The following ITPRIPL2 variants were observed in gnomAD, a reference collection of about 807,000 sequenced individuals.
ITPRIPL2 encodes inositol 1,4,5-trisphosphate receptor-interacting protein-like 2.
ITPRIPL2 carries 29 observed loss-of-function variants against 31.7 expected under a neutral mutation model. The observed-to-expected ratio is 0.91, with a 90% CI of 0.68 to 1.25. The LOEUF (loss-of-function observed/expected upper bound fraction) is 1.25. Among genes scored for constraint, ITPRIPL2 ranks in the 50% most tolerant of loss-of-function variants. The pLI is 0.00. For missense variants in ITPRIPL2, 696 were observed against 739.1 expected, an observed-to-expected ratio of 0.94 and a Z score of 0.68; for synonymous variants, 344 against 343.4, an observed-to-expected ratio of 1.00 and a Z score of -0.02.
At position 19,115,701 on chromosome 16, in the gene ITPRIPL2, G is replaced by A; in HGVS notation, c.1240G>A (p.Val414Met). The change falls in exon 1 of 1, where the codon GTG (valine) becomes ATG (methionine). Residue 414 changes from valine (V) to methionine (M), a missense_variant. Coordinates refer to ENST00000381440, the MANE Select transcript of ITPRIPL2 (RefSeq NM_001034841.4). Reference protein sequence around the residue: ...SYVLKTVLLAVLLRKGAPGQG... With the variant: ...SYVLKTVLLAMLLRKGAPGQG... ...TGTGCTCAAGACAGTGCTGCTGGCA[G>A]TGCTGCTGCGCAAGGGGGCCCCTGG... The A allele has an allele frequency of 6.2e-7, 1 of 1,612,948 alleles. No individual in the cohort carries two copies. Among genetic ancestry groups the A allele is most frequent in the Non-Finnish European group, 8.5e-7 (1 of 1,179,958 alleles).
rs763928448 is a variant in ITPRIPL2, at chr16:19,115,067, C to G, written c.606C>G (p.Ala202=). 2 of 1,598,720 alleles carry G rather than the reference C, an allele frequency of 1.3e-6. No individual in the cohort carries two copies. Among genetic ancestry groups the G allele is most frequent in the Non-Finnish European group, 1.7e-6 (2 of 1,179,312 alleles). ...SLGEEPALAP[A]FRGCFLCALK... ...GCGAGGAGCCAGCGCTGGCCCCGGCCTTCCGCGGCTGCTTCTTGTGCGCCC... is the reference window on the plus strand; with the variant it reads ...GCGAGGAGCCAGCGCTGGCCCCGGCGTTCCGCGGCTGCTTCTTGTGCGCCC... The change falls in exon 1 of 1, where the codon GCC becomes GCG. Residue 202 remains alanine (A), a synonymous_variant. Coordinates refer to ENST00000381440, the MANE Select transcript of ITPRIPL2 (RefSeq NM_001034841.4).
At position 19,120,313 on chromosome 16, in the gene ITPRIPL2, C is replaced by G. The variant is rs1963498413; in HGVS notation, c.*4244C>G. On this transcript the variant is annotated 3_prime_UTR_variant, in exon 1 of 1. Coordinates refer to ENST00000381440, the MANE Select transcript of ITPRIPL2 (RefSeq NM_001034841.4). ...CCCAGGCTGGTCTTGAACTACTGGA[C>G]TCAAGCCATCCTCCCACCTCGGCCT... 6.4e-6 allele frequency: 1 copy of G among 156,732 alleles called. No individual in the cohort carries two copies. Among genetic ancestry groups the G allele is most frequent in the Non-Finnish European group, 1.5e-5 (1 of 68,186 alleles). 9.7% of individuals were successfully genotyped at this position (156,732 alleles called of 1,614,324 possible).
Position 19,114,370 on chromosome 16 carries a change from G to C in ITPRIPL2, c.-92G>C. On this transcript the variant is annotated 5_prime_UTR_variant, in exon 1 of 1. Coordinates refer to ENST00000381440, the MANE Select transcript of ITPRIPL2 (RefSeq NM_001034841.4). ...GCGGAGGAGGAGACGGGGACAGCGGGGCTGCCCGGGCGCTGTGCGCATGCT... is the reference window on the plus strand; with the variant it reads ...GCGGAGGAGGAGACGGGGACAGCGGCGCTGCCCGGGCGCTGTGCGCATGCT... The C allele has an allele frequency of 4.9e-6, 5 of 1,027,326 alleles. No individual in the cohort carries two copies. Among genetic ancestry groups the C allele is most frequent in the Non-Finnish European group, 6.3e-6 (5 of 794,756 alleles). 63.6% of individuals were successfully genotyped at this position (1,027,326 alleles called of 1,614,324 possible).
At position 19,115,951 on chromosome 16, in the gene ITPRIPL2, T is replaced by C. The variant is rs1203911943; in HGVS notation, c.1490T>C (p.Leu497Pro). 2 of 1,612,790 alleles carry C rather than the reference T, an allele frequency of 1.2e-6. No homozygotes were observed. Among genetic ancestry groups the C allele is most frequent in the Non-Finnish European group, 1.7e-6 (2 of 1,179,852 alleles). ...HARELAAARL[L>P]STWQRLPQLL... ...CGGGAACTTGCAGCAGCGCGGTTGC[T>C]GTCCACGTGGCAAAGGCTGCCCCAG... The change falls in exon 1 of 1, where the codon CTG becomes CCG. Residue 497 changes from leucine (L) to proline (P), a missense_variant. By Grantham distance (98) the Leu-to-Pro change is moderately conservative. Coordinates refer to ENST00000381440, the MANE Select transcript of ITPRIPL2 (RefSeq NM_001034841.4).
chr16:19,114,367 C>A lies in ITPRIPL2; in HGVS notation c.-95C>A, dbSNP rs981487731. ...GCCGCGGAGGAGGAGACGGGGACAG[C>A]GGGGCTGCCCGGGCGCTGTGCGCAT... On this transcript the variant is annotated 5_prime_UTR_variant, in exon 1 of 1. Coordinates refer to ENST00000381440, the MANE Select transcript of ITPRIPL2 (RefSeq NM_001034841.4). The A allele has an allele frequency of 1.7e-4, 168 of 1,000,616 alleles. 1 individual carries two copies. The highest frequency in any genetic ancestry group is 2.0e-4 in the Non-Finnish European group (157 of 771,948). The allele number at this position is 1,000,616 out of a possible 1,614,324, so 62.0% of individuals were successfully genotyped here.
Position 19,119,392 on chromosome 16 carries a change from T to G in ITPRIPL2, c.*3323T>G, listed in dbSNP as rs1596856272. ...AGCCTGTAGAAACAGGGGTGGGAGG[T>G]GGGGGGGAAGCTGTGCCCACCTTTA... is the stretch of plus-strand genomic sequence containing the variant. On this transcript the variant is annotated 3_prime_UTR_variant, in exon 1 of 1. Transcript: ENST00000381440. 9 of 207,766 alleles carry G rather than the reference T, an allele frequency of 4.3e-5. No homozygotes were observed. Among genetic ancestry groups the G allele is most frequent in the East Asian group, 1.1e-4 (1 of 8,838 alleles). The allele number at this position is 207,766 out of a possible 1,614,324, so 12.9% of individuals were successfully genotyped here. A position where few individuals can be genotyped will look rare whatever the true frequency, so the allele number is the denominator to read the frequency against.
chr16:19,118,054 C>CA lies in ITPRIPL2; in HGVS notation c.*1985_*1986insA, dbSNP rs1963465933. The CA allele has an allele frequency of 1.3e-5, 2 of 159,206 alleles. No individual in the cohort carries two copies. Among genetic ancestry groups the CA allele is most frequent in the African/African-American group, 5.6e-5 (2 of 35,700 alleles). 9.9% of individuals were successfully genotyped at this position (159,206 alleles called of 1,614,324 possible). On this transcript the variant is annotated 3_prime_UTR_variant, in exon 1 of 1. Coordinates refer to ENST00000381440, the MANE Select transcript of ITPRIPL2 (RefSeq NM_001034841.4). The stretch of plus-strand genomic sequence containing the variant: ...TTTAAAATAAATGCCAAGAGTAGAT[C>CA]TTATATATATATATATGTATACATA...
Position 19,119,607 on chromosome 16 carries a change from A to G in ITPRIPL2, c.*3538A>G, listed in dbSNP as rs1963488463. 1 of 167,124 alleles carries G rather than the reference A, an allele frequency of 6.0e-6. No homozygotes were observed. Among genetic ancestry groups the G allele is most frequent in the African/African-American group, 2.4e-5 (1 of 41,458 alleles). The allele number at this position is 167,124 out of a possible 1,614,324, so 10.4% of individuals were successfully genotyped here. On this transcript the variant is annotated 3_prime_UTR_variant, in exon 1 of 1. Coordinates refer to ENST00000381440, the MANE Select transcript of ITPRIPL2 (RefSeq NM_001034841.4). Reference sequence around the variant, plus strand: ...TTTGCGACCACTGCCTTACGTAGTTAACACCCTGAGTATGTATACAGTCAT... The same window carrying G: ...TTTGCGACCACTGCCTTACGTAGTTGACACCCTGAGTATGTATACAGTCAT...
In ITPRIPL2 at chr16:19,115,871, G is replaced by A. The variant is rs750334526; in HGVS notation, c.1410G>A (p.Lys470=). ...CTGCCGAGGTGGGTCCCCTGCCCAAGGCACTGAGGGAAGCCGCCCCAGTTG... is the reference window on the plus strand; with the variant it reads ...CTGCCGAGGTGGGTCCCCTGCCCAAAGCACTGAGGGAAGCCGCCCCAGTTG... ...GAAAEVGPLP[K]ALREAAPVDL... is the part of the protein sequence containing the mutation. Residue 470 remains lysine, a synonymous_variant, in exon 1 of 1, where the codon AAG becomes AAA. Transcript: ENST00000381440. 6.2e-7 allele frequency: 1 copy of A among 1,611,828 alleles called. No homozygotes were observed. Among genetic ancestry groups the A allele is most frequent in the Non-Finnish European group, 8.5e-7 (1 of 1,179,580 alleles).
chr16:19,115,196 C>T lies in ITPRIPL2; in HGVS notation c.735C>T (p.His245=), dbSNP rs1034964799. ...AFCVDVRGRR[H]LSATLVLRWF... ...GCGTGGATGTGCGCGGGCGGCGTCA[C>T]CTCTCTGCTACTCTGGTGCTGCGCT... The change falls in exon 1 of 1, where the codon CAC becomes CAT. Residue 245 remains histidine, a synonymous_variant. Coordinates refer to ENST00000381440, the MANE Select transcript of ITPRIPL2 (RefSeq NM_001034841.4). 1.2e-6 allele frequency: 2 copies of T among 1,608,248 alleles called. No individual in the cohort carries two copies. Among genetic ancestry groups the T allele is most frequent in the East Asian group, 2.2e-5 (1 of 44,884 alleles).
At position 19,115,198 on chromosome 16, in the gene ITPRIPL2, T is replaced by C. The variant is rs1287406473; in HGVS notation, c.737T>C (p.Leu246Pro). 1.9e-6 allele frequency: 3 copies of C among 1,608,204 alleles called. No individual in the cohort carries two copies. Among genetic ancestry groups the C allele is most frequent in the South Asian group, 1.1e-5 (1 of 91,092 alleles). Residue 246 changes from leucine to proline, a missense_variant, in exon 1 of 1, where the codon CTC (leucine) becomes CCC (proline). By Grantham distance (98) the Leu-to-Pro change is moderately conservative. Coordinates refer to ENST00000381440, the MANE Select transcript of ITPRIPL2 (RefSeq NM_001034841.4). ...FCVDVRGRRH[L>P]SATLVLRWFQ... ...GTGGATGTGCGCGGGCGGCGTCACCTCTCTGCTACTCTGGTGCTGCGCTGG... is the reference window on the plus strand; with the variant it reads ...GTGGATGTGCGCGGGCGGCGTCACCCCTCTGCTACTCTGGTGCTGCGCTGG...
chr16:19,119,023 G>T lies in ITPRIPL2; in HGVS notation c.*2954G>T. The T allele has an allele frequency of 2.4e-6, 1 of 413,520 alleles. No individual in the cohort carries two copies. Among genetic ancestry groups the T allele is most frequent in the East Asian group, 3.6e-5 (1 of 28,082 alleles). 25.6% of individuals were successfully genotyped at this position (413,520 alleles called of 1,614,324 possible). A position where few individuals can be genotyped will look rare whatever the true frequency, so the allele number is the denominator to read the frequency against. On this transcript the variant is annotated 3_prime_UTR_variant, in exon 1 of 1. Transcript: ENST00000381440. The stretch of plus-strand genomic sequence containing the variant: ...TAACAACAGCAAAAAGAAAAAATTA[G>T]TTGTCCAGCCAGTGCTGGAGGAAAA...
chr16:19,114,655 G>T lies in ITPRIPL2; in HGVS notation c.194G>T (p.Arg65Leu). The change falls in exon 1 of 1, where the codon CGC (arginine) becomes CTC (leucine). Residue 65 changes from arginine to leucine, a missense_variant. Arg to Leu is a moderately radical substitution (Grantham distance 102). Transcript: ENST00000381440. ...CTCCTCCTCAGCTATGTCCTCCTGC[G>T]CTGTCGCCACGCTGTCCGGCAGCGC... Reference protein sequence around the residue: ...VLLLLSYVLLRCRHAVRQRFL... With the variant: ...VLLLLSYVLLLCRHAVRQRFL... 6.2e-7 allele frequency: 1 copy of T among 1,608,794 alleles called. No individual in the cohort carries two copies. Among genetic ancestry groups the T allele is most frequent in the South Asian group, 1.1e-5 (1 of 90,730 alleles).
rs1388379167 is a variant in ITPRIPL2, at chr16:19,120,619, ATATATATTTTTTTT to A, written c.*4552_*4565del. ...GCCTGGCTAATATATATATATATAT[ATATATATTTTTTTT>A]TTTTTTTTTTAGTAGAGATGGGGTT... On this transcript the variant is annotated 3_prime_UTR_variant, in exon 1 of 1. Transcript: ENST00000381440. 3 of 115,526 alleles carry A rather than the reference ATATATATTTTTTTT, an allele frequency of 2.6e-5. No individual in the cohort carries two copies. The highest frequency in any genetic ancestry group is 1.2e-4 in the African/African-American group (3 of 24,692). The allele number at this position is 115,526 out of a possible 1,614,324, so 7.2% of individuals were successfully genotyped here.
Position 19,114,282 on chromosome 16 carries a change from G to A in ITPRIPL2, c.-180G>A. The A allele has an allele frequency of 2.5e-6, 1 of 398,144 alleles. No homozygotes were observed. The highest frequency in any genetic ancestry group is 4.3e-6 in the Non-Finnish European group (1 of 229,954). The allele number at this position is 398,144 out of a possible 1,614,324, so 24.7% of individuals were successfully genotyped here. On this transcript the variant is annotated 5_prime_UTR_variant, in exon 1 of 1. Transcript: ENST00000381440. ...CGGGCCGCAGCTGGAAGGAACACTT[G>A]AGCTGGGAGAGGAGGCCGAGCTGGA...
At position 19,114,836 on chromosome 16, in the gene ITPRIPL2, G is replaced by A; in HGVS notation, c.375G>A (p.Arg125=). The A allele has an allele frequency of 6.2e-7, 1 of 1,604,798 alleles. No individual in the cohort carries two copies. Among genetic ancestry groups the A allele is most frequent in the East Asian group, 2.3e-5 (1 of 44,344 alleles). ...GCCACAGCAAGGCGCACGTGAGCCG[G>A]ATCGTGGGCGAGCTGGTGCGGGCTG... ...VLGHSKAHVS[R]IVGELVRAGR... The change falls in exon 1 of 1, where the codon CGG becomes CGA. Residue 125 remains arginine, a synonymous_variant. Transcript: ENST00000381440.
chr16:19,115,129 G>A lies in ITPRIPL2; in HGVS notation c.668G>A (p.Gly223Asp). ...APPSPSGASG[G>D]HWLRDCKPFA... ...CCCTCACCATCGGGGGCCTCGGGGG[G>A]CCACTGGCTTCGGGACTGCAAACCC... Residue 223 changes from glycine to aspartate, a missense_variant, in exon 1 of 1, where the codon GGC (glycine) becomes GAC (aspartate). Gly to Asp is a moderately conservative substitution (Grantham distance 94). Transcript: ENST00000381440. The A allele has an allele frequency of 1.2e-6, 2 of 1,602,416 alleles. No homozygotes were observed. The highest frequency in any genetic ancestry group is 1.7e-5 in the Admixed American group (1 of 60,026).
Position 19,115,755 on chromosome 16 carries a change from A to G in ITPRIPL2, c.1294A>G (p.Arg432Gly), listed in dbSNP as rs746679272. The G allele has an allele frequency of 1.9e-6, 3 of 1,613,044 alleles. No individual in the cohort carries two copies. The highest frequency in any genetic ancestry group is 2.2e-5 in the East Asian group (1 of 44,880). Reference sequence around the variant, plus strand: ...AGGCTGGGACGAGGAGCACCTGGGAAGGTGTTTGGAGGAGTTGGTGCAGTT... The same window carrying G: ...AGGCTGGGACGAGGAGCACCTGGGAGGGTGTTTGGAGGAGTTGGTGCAGTT... ...GQGWDEEHLGRCLEELVQFLR... is the reference protein window; with the variant it reads ...GQGWDEEHLGGCLEELVQFLR... The change falls in exon 1 of 1, where the codon AGG becomes GGG. Residue 432 changes from arginine (R) to glycine (G), a missense_variant. By Grantham distance (125) the Arg-to-Gly change is moderately radical. Transcript: ENST00000381440.
Position 19,115,875 on chromosome 16 carries a change from C to G in ITPRIPL2, c.1414C>G (p.Leu472Val). Reference sequence around the variant, plus strand: ...CGAGGTGGGTCCCCTGCCCAAGGCACTGAGGGAAGCCGCCCCAGTTGACCT... The same window carrying G: ...CGAGGTGGGTCCCCTGCCCAAGGCAGTGAGGGAAGCCGCCCCAGTTGACCT... ...AAEVGPLPKA[L>V]REAAPVDLLA... Residue 472 changes from leucine to valine, a missense_variant, in exon 1 of 1, where the codon CTG (leucine) becomes GTG (valine). Physicochemically the swap from Leu to Val is conservative, Grantham distance 32 (BLOSUM62 1). Transcript: ENST00000381440. 1 of 1,611,892 alleles carries G rather than the reference C, an allele frequency of 6.2e-7. No homozygotes were observed. The highest frequency in any genetic ancestry group is 8.5e-7 in the Non-Finnish European group (1 of 1,179,620).
Sources: allele counts gnomAD v4.1 joint callset, GRCh38; gene constraint gnomAD v4.1.1; transcripts MANE v1.5; gene names NCBI Gene and HGNC (gene_info 2026-07-23, HGNC 2026-07-21).